PLCE1: variants seen among roughly 807,000 people sequenced by gnomAD.
PLCE1 encodes the protein 1-phosphatidylinositol 4,5-bisphosphate phosphodiesterase epsilon-1.
In PLCE1, 119 loss-of-function variants were observed where a neutral mutation model predicts 242.8. The ratio of observed to expected loss-of-function variants is 0.49; its 90% CI spans 0.42 to 0.57. The LOEUF (loss-of-function observed/expected upper bound fraction) is 0.57, where lower values mean the gene tolerates loss of function less well. Ranked by LOEUF, PLCE1 falls within the 20% of genes least tolerant of loss-of-function variation. The pLI is 0.00. For synonymous variants in PLCE1, 945 were observed against 1,017.4 expected (o/e 0.93, Z 1.35); for missense variants, 2,441 against 2,788.8 (o/e 0.88, Z 2.81).
chr10:94,123,284 C>CTAACTTCTT (rs2046349230), intron 2 of PLCE1, among the ~76,000 whole-genome samples: 1 of 152,284 alleles, frequency 6.6e-6, no homozygotes, highest in Non-Finnish European at 1.5e-5. Context: ...TTTCAAATGT[C>CTAACTTCTT]CTGGGGCATC....
chr10:94,077,308 T>A (rs1249421590), intron 2 of PLCE1, among the ~76,000 whole-genome samples: 1 of 152,180 alleles, frequency 6.6e-6, no homozygotes, highest in African/African-American at 2.4e-5. Context: ...TGCTAAATAT[T>A]CTACAAGGCA....
At chr10:94,279,629 G>A (rs1184931955) in intron 19 of PLCE1, 153 bp from the exon 20 acceptor site, 4 of 755,186 alleles carry the variant, frequency 5.3e-6, no homozygotes, top group East Asian at 2.6e-5. Context: ...ATTGCATTTC[G>A]AGGGAATCTA....
At chr10:94,080,367 C>T (rs1245865575) in intron 2 of PLCE1, among the ~76,000 whole-genome samples, 1 of 152,150 alleles carries the variant, frequency 6.6e-6, no homozygotes, top group Non-Finnish European at 1.5e-5. Context: ...TCAGGGAAGC[C>T]TTCCTAGACC....
intron 2 of PLCE1, among the ~76,000 whole-genome samples, chr10:94,061,435 G>T (rs894651246): frequency 6.6e-6 from 1 of 152,176 alleles, no homozygotes; most frequent in Admixed American, 6.5e-5. Flanking sequence ...AGGTGTCCAG[G>T]ACAAATGAGA....
intron 1 of PLCE1, among the ~76,000 whole-genome samples, chr10:94,014,755 T>A (rs1223612): frequency 0.51 from 77,475 of 152,020 alleles, 20,292 homozygotes; most frequent in East Asian, 0.74. Flanking sequence ...TCTTTAGGTA[T>A]ACGCTGAAGA....
intron 2 of PLCE1, among the ~76,000 whole-genome samples, chr10:94,113,331 A>G (rs1329331812): frequency 6.6e-6 from 1 of 152,200 alleles, no homozygotes; most frequent in Non-Finnish European, 1.5e-5. Context: ...TGAATAAGTA[A>G]ATTAGGAACA....
chr10:94,325,888 C>A (rs1260195925), intron 32 of PLCE1, among the ~76,000 whole-genome samples: 2 of 151,938 alleles, frequency 1.3e-5, no homozygotes, highest in African/African-American at 4.8e-5. Context: ...TCTCCTTCTG[C>A]CTCAATTAAA....
intron 4 of PLCE1, among the ~76,000 whole-genome samples, chr10:94,192,799 A>G (rs1414675668): frequency 6.6e-6 from 1 of 152,170 alleles, no homozygotes; most frequent in African/African-American, 2.4e-5. Flanking sequence ...TCTCACCAAC[A>G]ATGCAGTGTT....
chr10:94,126,201 G>A (rs1288694597), intron 2 of PLCE1, among the ~76,000 whole-genome samples: 3 of 152,078 alleles, frequency 2.0e-5, no homozygotes, highest in Admixed American at 2.0e-4. Flanking sequence ...ACCACTCCAG[G>A]CCATGTCATT....
At chr10:94,250,892 A>G (rs2050850579) in intron 8 of PLCE1, among the ~76,000 whole-genome samples, 1 of 152,174 alleles carries the variant, frequency 6.6e-6, no homozygotes, top group African/African-American at 2.4e-5. Context: ...TCATTCATGA[A>G]ATGTTTATTC....
chr10:94,025,017 C>T (rs1486512747), intron 1 of PLCE1, among the ~76,000 whole-genome samples: 2 of 151,756 alleles, frequency 1.3e-5, no homozygotes, highest in Non-Finnish European at 2.9e-5. Context: ...AATTTTTTTT[C>T]CCTCCCCTAA....
intron 11 of PLCE1, among the ~76,000 whole-genome samples, chr10:94,255,914 ACTCTCTCTCTCT>A (rs111704161): frequency 0.071 from 4,736 of 66,956 alleles, 203 homozygotes; most frequent in Middle Eastern, 0.14. Flanking sequence ...ACACACACAC[ACTCTCTCTCTCT>A]CTCTCTCTCT....
chr10:94,255,908 ACACACACTCTCTCTCT>A (rs1222715107), intron 11 of PLCE1, among the ~76,000 whole-genome samples: 11 of 96,204 alleles, frequency 1.1e-4, no homozygotes, highest in Non-Finnish European at 1.6e-4. Context: ...ACACACACAC[ACACACACTCTCTCTCT>A]CTCTCTCTCT....
chr10:94,011,793 A>T (rs2134275193), intron 1 of PLCE1, among the ~76,000 whole-genome samples: 1 of 152,184 alleles, frequency 6.6e-6, no homozygotes, highest in South Asian at 2.1e-4. Flanking sequence ...CATGGGATTG[A>T]GGCAGCTCCA....
intron 3 of PLCE1, among the ~76,000 whole-genome samples, chr10:94,144,101 C>A (rs923698301): frequency 2.4e-4 from 37 of 152,242 alleles, no homozygotes; most frequent in African/African-American, 8.9e-4. Flanking sequence ...GTTTCAGAGA[C>A]CCTAGCAACT....
intron 2 of PLCE1, among the ~76,000 whole-genome samples, chr10:94,113,769 G>C (rs2046030167): frequency 6.6e-6 from 1 of 152,152 alleles, no homozygotes; most frequent in South Asian, 2.1e-4. Context: ...GGGCAGGGAA[G>C]CTTGGGCTTG....
chr10:94,075,716 C>T (rs1445446643), intron 2 of PLCE1, among the ~76,000 whole-genome samples: 1 of 152,216 alleles, frequency 6.6e-6, no homozygotes, highest in African/African-American at 2.4e-5. Flanking sequence ...ATGATATCCT[C>T]TTCCTGAGTG....
At chr10:94,055,960 G>A (rs1016660280) in intron 2 of PLCE1, among the ~76,000 whole-genome samples, 5 of 152,166 alleles carry the variant, frequency 3.3e-5, no homozygotes, top group African/African-American at 1.2e-4. Flanking sequence ...TTGTATCACT[G>A]TTGTGGTCGT....
intron 16 of PLCE1, among the ~76,000 whole-genome samples, 173 bp downstream of exon 16, chr10:94,266,131 C>T (rs989674771): frequency 1.3e-5 from 2 of 152,122 alleles, no homozygotes; most frequent in Non-Finnish European, 2.9e-5. Context: ...CTACAGCAGT[C>T]GTTTTCTTTA....
Sources: allele counts gnomAD v4.1 joint callset (sites outside exome capture counted in the v4.1 genomes callset), GRCh38; gene constraint gnomAD v4.1.1; transcripts MANE v1.5; gene names NCBI Gene and HGNC (gene_info 2026-07-23, HGNC 2026-07-21).